MAG: variants seen among roughly 807,000 people sequenced by gnomAD.
MAG encodes myelin-associated glycoprotein.
In MAG, 30 loss-of-function variants were observed where a neutral mutation model predicts 60.7. That is an observed-to-expected ratio of 0.49 (90% confidence interval 0.37 to 0.67). The LOEUF (loss-of-function observed/expected upper bound fraction) is 0.67, where lower values mean the gene tolerates loss of function less well. Among genes scored for constraint, MAG ranks in the 30% least tolerant of loss-of-function variants. The pLI, the probability that MAG is intolerant of heterozygous loss-of-function variation, is 0.00. For synonymous variants in MAG, 384 were observed against 376.8 expected (o/e 1.02, Z -0.22); for missense variants, 795 against 851.7 (o/e 0.93, Z 0.83).
intron 10 of MAG, among the ~76,000 whole-genome samples, chr19:35,313,054 A>G (rs998492627): frequency 2.0e-5 from 3 of 152,154 alleles, no homozygotes; most frequent in Non-Finnish European, 4.4e-5. Context: ...AGCTTCCTGG[A>G]GAAACTGAAT....
In MAG at chr19:35,293,969, C is replaced by T. The variant is rs55899935; in HGVS notation, c.-79-266C>T. On this transcript the variant is annotated intron_variant, in intron 1 of 10. Coordinates refer to ENST00000392213, the MANE Select transcript of MAG (RefSeq NM_002361.4). The surrounding 1 kb of genome is among the most constrained non-coding windows in gnomAD (Gnocchi z 4.0). Reference sequence around the variant, plus strand: ...CCGTGGGACATCTGCTCCCTCACTCCACTCGCCACACCCCTCAGTCTCACC... The same window carrying T: ...CCGTGGGACATCTGCTCCCTCACTCTACTCGCCACACCCCTCAGTCTCACC... 0.12 allele frequency among the ~76,000 whole-genome samples: 17,694 copies of T among 152,096 alleles called. 1,176 individuals carry two copies. The highest frequency in any genetic ancestry group is 0.23 in the Middle Eastern group (67 of 294).
At position 35,310,047 on chromosome 19, in the gene MAG, G is replaced by C. The variant is rs200754835; in HGVS notation, c.1405G>C (p.Val469Leu). 119 of 1,613,786 alleles carry C rather than the reference G, an allele frequency of 7.4e-5. No individual in the cohort carries two copies. In the Admixed American group the frequency reaches 8.3e-4, roughly 11 times the overall value. ...CGTGTACTCGGAGCGCAGCGGCCTC[G>C]TGCTCACCAGCATCCTCACGCTGCG... ...EFVYSERSGL[V>L]LTSILTLRGQ... Residue 469 changes from valine (V) to leucine (L), a missense_variant, in exon 8 of 11, where the codon GTG becomes CTG. Val to Leu is a conservative substitution (Grantham distance 32). Transcript: ENST00000392213.
At chr19:35,309,576 G>A (rs541041088) in intron 7 of MAG, among the ~76,000 whole-genome samples, 1 of 152,146 alleles carries the variant, frequency 6.6e-6, no homozygotes, top group South Asian at 2.1e-4. Context: ...CACCATGCCC[G>A]GCCTCTTTCA....
At chr19:35,313,226 C>T in intron 10 of MAG, 64 bp from the exon 11 acceptor site, 1 of 1,525,212 alleles carries the variant, frequency 6.6e-7, no homozygotes, top group Non-Finnish European at 8.8e-7. Context: ...TGCAAACGCT[C>T]TGTCCTCTGC....
Position 35,309,770 on chromosome 19 carries a change from C to T in MAG, c.1232-104C>T, listed in dbSNP as rs1293856434. The T allele has an allele frequency of 3.2e-6, 4 of 1,261,574 alleles. No homozygotes were observed. In the African/African-American group the frequency reaches 5.9e-5, roughly 19 times the overall value. 78.1% of individuals were successfully genotyped at this position (1,261,574 alleles called of 1,614,324 possible). ...TGGAGGGCCCTACAGGAAGCTACCG[C>T]CCCCATCCTTGGCCACACTGGCCTT... On this transcript the variant is annotated intron_variant, in intron 7 of 10. Transcript: ENST00000392213.
intron 7 of MAG, among the ~76,000 whole-genome samples, chr19:35,304,142 G>A (rs368673199): frequency 6.6e-5 from 10 of 152,308 alleles, no homozygotes; most frequent in East Asian, 3.9e-4. Context: ...GCAACCTCTC[G>A]TGGCAAAGCC....
chr19:35,302,841 G>C (rs1335896839), intron 7 of MAG, 133 bp downstream of exon 7: 1 of 1,104,364 alleles, frequency 9.1e-7, no homozygotes, highest in Non-Finnish European at 1.3e-6. Flanking sequence ...AGGGAGGGCA[G>C]GGAAGCTGAA....
At chr19:35,297,662 C>CACACCACACACAT (rs1417187697) in intron 4 of MAG, among the ~76,000 whole-genome samples, 1 of 149,730 alleles carries the variant, frequency 6.7e-6, no homozygotes. Context: ...ACACACTACA[C>CACACCACACACAT]ACACCACACA....
intron 7 of MAG, among the ~76,000 whole-genome samples, chr19:35,309,063 A>G (rs536388812): frequency 2.0e-5 from 3 of 152,330 alleles, no homozygotes; most frequent in African/African-American, 7.2e-5. Flanking sequence ...GATCTGATTT[A>G]TGTATTACAA....
At chr19:35,306,406 G>A (rs927161243) in intron 7 of MAG, among the ~76,000 whole-genome samples, 6 of 152,080 alleles carry the variant, frequency 3.9e-5, no homozygotes, top group Non-Finnish European at 8.8e-5. Flanking sequence ...CCACCCATGA[G>A]TACTTGGGTG....
rs373301414 is a variant in MAG at position 35,299,771 on chromosome 19, C to T, written c.633C>T (p.Asn211=). 2.9e-5 allele frequency: 45 copies of T among 1,549,284 alleles called. No individual in the cohort carries two copies. In the African/African-American group the frequency reaches 4.4e-4, roughly 15 times the overall value. Residue 211 remains asparagine, a synonymous_variant, in exon 5 of 11, where the codon AAC becomes AAT. Coordinates refer to ENST00000392213, the MANE Select transcript of MAG (RefSeq NM_002361.4). ...LLHFVPTREA[N]GHRLGCQASF... ...ACTTCGTGCCCACGAGGGAGGCCAA[C>T]GGCCACAGGCTGGGCTGCCAGGCCT...
At position 35,292,673 on chromosome 19, in the gene MAG, G is replaced by A. The variant is rs557993718; in HGVS notation, c.-80+469G>A. 3.3e-5 allele frequency among the ~76,000 whole-genome samples: 5 copies of A among 151,968 alleles called. No individual in the cohort carries two copies. In the East Asian group the frequency reaches 5.8e-4, roughly 18 times the overall value. Reference sequence around the variant, plus strand: ...TGTGTGTGTGTGTGTGTGCGTGTGCGTGCACACACATGGCTGCCCATGCAC... The same window carrying A: ...TGTGTGTGTGTGTGTGTGCGTGTGCATGCACACACATGGCTGCCCATGCAC... On this transcript the variant is annotated intron_variant, in intron 1 of 10. Coordinates refer to ENST00000392213, the MANE Select transcript of MAG (RefSeq NM_002361.4).
chr19:35,310,440 C>A, intron 8 of MAG, 107 bp from the exon 9 acceptor site: 2 of 1,015,174 alleles, frequency 2.0e-6, no homozygotes, highest in East Asian at 2.5e-5. Flanking sequence ...AAGGATGCCC[C>A]GGCTGTGTGA....
In MAG at chr19:35,313,284, T is replaced by A. The variant is rs2066542024; in HGVS notation, c.1717-6T>A. Reference sequence around the variant, plus strand: ...GACCCTGCTAATGGGCGGTTTCCCCTCTTAGAGCGAGAGGCGCCTGGGATC... The same window carrying A: ...GACCCTGCTAATGGGCGGTTTCCCCACTTAGAGCGAGAGGCGCCTGGGATC... On this transcript the variant is annotated splice_polypyrimidine_tract_variant and splice_region_variant and intron_variant, in intron 10 of 10. Transcript: ENST00000392213. 3 of 1,612,396 alleles carry A rather than the reference T, an allele frequency of 1.9e-6. No individual in the cohort carries two copies. The Admixed American group carries it at 5.0e-5, about 27-fold the overall frequency.
intron 5 of MAG, 127 bp from the exon 6 acceptor site, chr19:35,300,020 A>T: frequency 1.2e-6 from 1 of 806,764 alleles, no homozygotes; most frequent in South Asian, 2.9e-5. Context: ...GGAACCAGGC[A>T]GTCCTGGGGC....
chr19:35,307,910 G>A (rs2066496932), intron 7 of MAG, among the ~76,000 whole-genome samples: 1 of 152,104 alleles, frequency 6.6e-6, no homozygotes, highest in African/African-American at 2.4e-5. Context: ...GGGGGCATCT[G>A]CAGCGCAGAC....
chr19:35,309,092 G>A (rs561705300), intron 7 of MAG, among the ~76,000 whole-genome samples: 30 of 152,328 alleles, frequency 2.0e-4, no homozygotes, highest in African/African-American at 6.7e-4. Context: ...AGGTTAGAGA[G>A]AGTGTAAGAG....
chr19:35,311,237 G>A (rs968859447), intron 9 of MAG, among the ~76,000 whole-genome samples: 8 of 152,128 alleles, frequency 5.3e-5, no homozygotes, highest in African/African-American at 1.9e-4. Context: ...GGGAGGCTGA[G>A]GTGGAACGAT....
chr19:35,299,510 C>A, intron 4 of MAG, 44 bp from the exon 5 acceptor site: 2 of 1,429,376 alleles, frequency 1.4e-6, no homozygotes, highest in Middle Eastern at 2.0e-4. Context: ...GGGACCGTAG[C>A]CCAGTGCTGC....
Sources: gnomAD v4.1 joint callset for allele counts (sites outside exome capture counted in the v4.1 genomes callset) on GRCh38, gnomAD v4.1.1 for gene constraint, Gnocchi (gnomAD v3.1) non-coding constraint, MANE v1.5 for transcripts, NCBI Gene and HGNC (gene_info 2026-07-23, HGNC 2026-07-21) for gene names.